The following CHI3L1 variants were observed in gnomAD, a reference collection of about 807,000 sequenced individuals.
CHI3L1 encodes chitinase-3-like protein 1.
Under a neutral mutation model 40.7 loss-of-function variants are expected in CHI3L1, and 30 were observed. That is an observed-to-expected ratio of 0.74 (90% confidence interval 0.55 to 1.00). The LOEUF is 1.00. Ranked by LOEUF, CHI3L1 falls within the 50% of genes least tolerant of loss-of-function variation. The pLI is 0.00. For missense variants in CHI3L1, 493 were observed against 492.2 expected (o/e 1.00, Z -0.01); for synonymous variants, 210 against 192.1 (o/e 1.09, Z -0.77).
chr1:203,181,177 G>A lies in CHI3L1; in HGVS notation c.696C>T (p.Asp232=), dbSNP rs770304251. The change falls in exon 7 of 10, where the codon GAC becomes GAT. Residue 232 remains aspartate (D), a synonymous_variant. Transcript: ENST00000255409. ...LFRGQEDASP[D]RFSNTDYAVG... ...GGGAACTCACAGTGTTGCTGAATCTGTCAGGACTTGCATCCTCCTGACCTC... is the reference window on the plus strand; with the variant it reads ...GGGAACTCACAGTGTTGCTGAATCTATCAGGACTTGCATCCTCCTGACCTC... 19 of 1,614,038 alleles carry A rather than the reference G, an allele frequency of 1.2e-5. No individual in the cohort carries two copies. Among genetic ancestry groups the A allele is most frequent in the Admixed American group, 8.3e-5 (5 of 59,994 alleles).
At chr1:203,183,606 C>T (rs762942907) in intron 5 of CHI3L1, 35 bp downstream of exon 5, 74 of 1,611,166 alleles carry the variant, frequency 4.6e-5, no homozygotes, top group South Asian at 3.6e-4. Context: ...CTCATGCCTG[C>T]CCACCTCCCT....
Position 203,179,418 on chromosome 1 carries a change from C to T in CHI3L1, c.*27G>A. ...CCAGAGGGGGACGGGGCATCCTTGG[C>T]CCCCGTGCTGTGTGCAGAACAGAGG... On this transcript the variant is annotated 3_prime_UTR_variant, in exon 10 of 10. Transcript: ENST00000255409. 3 of 1,509,324 alleles carry T rather than the reference C, an allele frequency of 2.0e-6. No homozygotes were observed. The highest frequency in any genetic ancestry group is 2.2e-5 in the Admixed American group (1 of 44,664). 93.5% of individuals were successfully genotyped at this position (1,509,324 alleles called of 1,614,324 possible). A position where few individuals can be genotyped will look rare whatever the true frequency, so the allele number is the denominator to read the frequency against.
At position 203,186,663 on chromosome 1, in the gene CHI3L1, C is replaced by G; in HGVS notation, c.-40G>C. On this transcript the variant is annotated 5_prime_UTR_variant, in exon 1 of 10. Transcript: ENST00000255409. ...AGCAGGGCAGGGTGTGGCCTCTTCC[C>G]TTGCCCACGGCTCCTGGTGCCAGCT... 1 of 1,613,794 alleles carries G rather than the reference C, an allele frequency of 6.2e-7. No homozygotes were observed. The highest frequency in any genetic ancestry group is 2.2e-5 in the East Asian group (1 of 44,878).
chr1:203,185,679 G>A (rs1353358722), intron 2 of CHI3L1, among the ~76,000 whole-genome samples: 1 of 152,210 alleles, frequency 6.6e-6, no homozygotes, highest in African/African-American at 2.4e-5. Context: ...TGGGGAATAA[G>A]GATGAAATGG....
chr1:203,182,917 G>A, intron 5 of CHI3L1, 65 bp from the exon 6 acceptor site: 1 of 1,560,848 alleles, frequency 6.4e-7, no homozygotes, highest in Admixed American at 1.8e-5. Flanking sequence ...ACTCATCGAG[G>A]GCGGACTAGG....
chr1:203,186,430 T>TCCC, intron 1 of CHI3L1, 85 bp from the exon 2 acceptor site: 62 of 836,344 alleles, frequency 7.4e-5, no homozygotes, highest in South Asian at 2.5e-4. Flanking sequence ...GAGACCCACC[T>TCCC]CCCCCACCCC....
rs774251398 is a variant in CHI3L1 at position 203,183,756 on chromosome 1, C to T, written c.350G>A (p.Arg117Gln). The T allele has an allele frequency of 1.5e-5, 25 of 1,614,068 alleles. No homozygotes were observed. Among genetic ancestry groups the T allele is most frequent in the Admixed American group, 6.7e-5 (4 of 60,006 alleles). ...TGGCGGTACTGACTTGATGAAAGTC[C>T]GGCGACTCTGGGTGTTGGAGGCTAT... is the stretch of plus-strand genomic sequence containing the variant. The part of the protein sequence containing the change: ...SKIASNTQSR[R>Q]TFIKSVPPFL... The change falls in exon 5 of 10, where the codon CGG becomes CAG. Residue 117 changes from arginine (R) to glutamine (Q), a missense_variant. Transcript: ENST00000255409.
rs1330988914 is a variant in CHI3L1, at chr1:203,185,401, G to A, written c.56-16C>T. The A allele has an allele frequency of 1.9e-6, 3 of 1,612,872 alleles. No homozygotes were observed. Among genetic ancestry groups the A allele is most frequent in the Non-Finnish European group, 2.5e-6 (3 of 1,179,530 alleles). On this transcript the variant is annotated splice_polypyrimidine_tract_variant and intron_variant, in intron 2 of 9. Coordinates refer to ENST00000255409, the MANE Select transcript of CHI3L1 (RefSeq NM_001276.4). ...TATGCAGAGCCTGAAGGAGAAGTCT[G>A]GGATGGGGCCCGGGCCAGGATTCGG...
chr1:203,184,530 T>C, intron 4 of CHI3L1, 46 bp downstream of exon 4: 1 of 1,521,176 alleles, frequency 6.6e-7, no homozygotes, highest in Non-Finnish European at 9.1e-7. Flanking sequence ...TCCTCACTCC[T>C]ATGCCATCAT....
chr1:203,182,064 A>T (rs927737640), intron 6 of CHI3L1: 4 of 152,450 alleles, frequency 2.6e-5, no homozygotes, highest in African/African-American at 9.7e-5. Flanking sequence ...AATGGTTGAC[A>T]TCCACCTGTT....
At chr1:203,180,722 T>G in intron 7 of CHI3L1, 70 bp from the exon 8 acceptor site, 2 of 1,190,256 alleles carry the variant, frequency 1.7e-6, no homozygotes, top group East Asian at 2.6e-5. Flanking sequence ...CAATTAATAC[T>G]GCTGCCTTAG....
At chr1:203,180,004 T>C in intron 8 of CHI3L1, 127 bp from the exon 9 acceptor site, 1 of 828,230 alleles carries the variant, frequency 1.2e-6, no homozygotes, top group South Asian at 1.7e-5. Context: ...CTCTGCAGGG[T>C]CTGCAGGCTG....
At chr1:203,186,136 T>C (rs577037656) in intron 2 of CHI3L1, among the ~76,000 whole-genome samples, 180 bp downstream of exon 2, 5 of 152,250 alleles carry the variant, frequency 3.3e-5, no homozygotes, top group Admixed American at 6.5e-5. Flanking sequence ...CCAAAGAGTA[T>C]AGCAAAATAA....
chr1:203,181,033 C>T (rs1655925475), intron 7 of CHI3L1, 129 bp downstream of exon 7: 2 of 1,248,296 alleles, frequency 1.6e-6, no homozygotes, highest in African/African-American at 1.5e-5. Flanking sequence ...GTTTCCTTAT[C>T]TGTGGAATGG....
Position 203,186,673 on chromosome 1 carries a change from G to T in CHI3L1, c.-50C>A, listed in dbSNP as rs769765044. On this transcript the variant is annotated 5_prime_UTR_variant, in exon 1 of 10. Transcript: ENST00000255409. ...GGTGTGGCCTCTTCCCTTGCCCACG[G>T]CTCCTGGTGCCAGCTACCTAGACAG... 7.4e-6 allele frequency: 12 copies of T among 1,611,528 alleles called. No homozygotes were observed. Among genetic ancestry groups the T allele is most frequent in the Non-Finnish European group, 9.3e-6 (11 of 1,178,200 alleles).
chr1:203,186,544 G>C (rs1272350670), intron 1 of CHI3L1, 55 bp downstream of exon 1: 1 of 1,610,646 alleles, frequency 6.2e-7, no homozygotes, highest in South Asian at 1.1e-5. Context: ...TCTGCGGGCT[G>C]TCTGGGCCTG....
At chr1:203,185,123 G>A in intron 3 of CHI3L1, 61 bp downstream of exon 3, 1 of 1,476,446 alleles carries the variant, frequency 6.8e-7, no homozygotes, top group Non-Finnish European at 9.4e-7. Context: ...CCTGGGTGGG[G>A]TTGCCCTGCC....
chr1:203,180,705 G>A (rs1655918257), intron 7 of CHI3L1, 53 bp from the exon 8 acceptor site: 1 of 1,398,882 alleles, frequency 7.1e-7, no homozygotes, highest in Non-Finnish European at 9.8e-7. Context: ...AGGTGCGGAA[G>A]GTTGAGCAAT....
Position 203,186,361 on chromosome 1 carries a change from G to A in CHI3L1, c.26-16C>T, listed in dbSNP as rs749774325. ...ACCACAAAGCCTGAAGAGAAATCCA[G>A]GATGAGACCCCTGCAAGTGCATCCT... On this transcript the variant is annotated splice_polypyrimidine_tract_variant and intron_variant, in intron 1 of 9. Transcript: ENST00000255409. 13 of 1,587,192 alleles carry A rather than the reference G, an allele frequency of 8.2e-6. No homozygotes were observed. The highest frequency in any genetic ancestry group is 1.7e-4 in the Middle Eastern group (1 of 6,032).
Sources: gnomAD v4.1 joint callset for allele counts (sites outside exome capture counted in the v4.1 genomes callset) on GRCh38, gnomAD v4.1.1 for gene constraint, MANE v1.5 for transcripts, NCBI Gene and HGNC (gene_info 2026-07-23, HGNC 2026-07-21) for gene names.